The following KCNK18 variants were observed in gnomAD, a reference collection of about 807,000 sequenced individuals.
The protein encoded by KCNK18 is potassium channel subfamily K member 18.
In KCNK18, 8 loss-of-function variants were observed where a neutral mutation model predicts 11.8. The observed-to-expected ratio is 0.68, with a 90% CI of 0.40 to 1.22. KCNK18 has a LOEUF of 1.22. KCNK18 is among the 50% of genes most tolerant of loss of function. The pLI is 0.01. For synonymous variants in KCNK18, 208 were observed against 185.8 expected (o/e 1.12, Z -0.97); for missense variants, 442 against 465.4 (o/e 0.95, Z 0.46).
At chr10:117,208,156 A>G (rs575971023) in intron 2 of KCNK18, among the ~76,000 whole-genome samples, 3 of 152,246 alleles carry the variant, frequency 2.0e-5, no homozygotes, top group Non-Finnish European at 2.9e-5. Context: ...GGGACCTGAG[A>G]GTCCTGTGGA....
At chr10:117,208,841 A>G (rs1855107673) in intron 2 of KCNK18, among the ~76,000 whole-genome samples, 1 of 151,966 alleles carries the variant, frequency 6.6e-6, no homozygotes, top group Non-Finnish European at 1.5e-5. Flanking sequence ...CCCGGCTTCA[A>G]GTGATTCTCC....
chr10:117,203,606 C>T (rs563670411), intron 2 of KCNK18, among the ~76,000 whole-genome samples: 1 of 152,236 alleles, frequency 6.6e-6, no homozygotes, highest in East Asian at 1.9e-4. Flanking sequence ...ATGGTGCCAT[C>T]TCAGCTCACT....
At chr10:117,197,997 A>G (rs1192827109) in intron 1 of KCNK18, among the ~76,000 whole-genome samples, 1 of 152,164 alleles carries the variant, frequency 6.6e-6, no homozygotes, top group Non-Finnish European at 1.5e-5. Flanking sequence ...CTCAGCACCC[A>G]GCCCCATCCA....
chr10:117,201,046 C>G (rs1047744997), intron 1 of KCNK18, 113 bp from the exon 2 acceptor site: 31 of 1,337,392 alleles, frequency 2.3e-5, no homozygotes, highest in Non-Finnish European at 3.2e-5. Flanking sequence ...TGATACTGAC[C>G]ACAAGGCAAA....
intron 2 of KCNK18, among the ~76,000 whole-genome samples, chr10:117,204,280 A>AG (rs2133704168): frequency 6.6e-6 from 1 of 151,214 alleles, no homozygotes; most frequent in South Asian, 2.1e-4. Context: ...CAAAAAAAAA[A>AG]AAAAAAGAAA....
chr10:117,205,431 A>G (rs1386222136), intron 2 of KCNK18, among the ~76,000 whole-genome samples: 1 of 152,214 alleles, frequency 6.6e-6, no homozygotes, highest in Non-Finnish European at 1.5e-5. Flanking sequence ...TTGCAAAAGT[A>G]TCTCACCCAG....
chr10:117,197,912 G>A (rs1047032698), intron 1 of KCNK18, among the ~76,000 whole-genome samples: 1 of 152,118 alleles, frequency 6.6e-6, no homozygotes, highest in Non-Finnish European at 1.5e-5. Context: ...TGCCTCTCAG[G>A]GTTGCTGTGA....
At chr10:117,209,122 T>G (rs1020473702) in intron 2 of KCNK18, among the ~76,000 whole-genome samples, 17 of 152,186 alleles carry the variant, frequency 1.1e-4, no homozygotes, top group Non-Finnish European at 2.9e-5. Context: ...CCATCCTCTC[T>G]CACTTGTACT....
chr10:117,201,253 G>A lies in KCNK18; in HGVS notation c.318G>A (p.Ser106=), dbSNP rs147116654. Residue 106 remains serine, a synonymous_variant, in exon 2 of 3, where the codon TCG becomes TCA. Coordinates refer to ENST00000334549, the MANE Select transcript of KCNK18 (RefSeq NM_181840.1). ...NRTTHWSFLS[S]LFFCCTVFST... is the part of the protein sequence containing the mutation. Reference sequence around the variant, plus strand: ...CCACACACTGGTCCTTCCTGAGCTCGCTCTTTTTCTGCTGCACGGTGTTCA... The same window carrying A: ...CCACACACTGGTCCTTCCTGAGCTCACTCTTTTTCTGCTGCACGGTGTTCA... 1.2e-5 allele frequency: 19 copies of A among 1,613,846 alleles called. No homozygotes were observed. In the African/African-American group the frequency reaches 1.7e-4, roughly 15 times the overall value.
In KCNK18 at chr10:117,210,008, T is replaced by G; in HGVS notation, c.864T>G (p.Leu288=). Residue 288 remains leucine, a synonymous_variant, in exon 3 of 3, where the codon CTT becomes CTG. Transcript: ENST00000334549. The stretch of plus-strand genomic sequence containing the variant: ...ACATCCCCCTCCCCATCATTGCCCT[T>G]ATTGTTTTTGCCTACATTTCCTGTG... ...RLDIPLPIIA[L]IVFAYISCAA... 4 of 1,614,158 alleles carry G rather than the reference T, an allele frequency of 2.5e-6. No individual in the cohort carries two copies. Among genetic ancestry groups the G allele is most frequent in the Non-Finnish European group, 3.4e-6 (4 of 1,180,022 alleles).
intron 2 of KCNK18, among the ~76,000 whole-genome samples, chr10:117,206,203 G>A (rs1016255826): frequency 2.6e-5 from 4 of 152,140 alleles, no homozygotes; most frequent in Non-Finnish European, 5.9e-5. Context: ...TTTCAAAAAT[G>A]AAGGTGTTGG....
At chr10:117,203,116 A>C (rs1855034619) in intron 2 of KCNK18, among the ~76,000 whole-genome samples, 1 of 151,928 alleles carries the variant, frequency 6.6e-6, no homozygotes, top group South Asian at 2.1e-4. Flanking sequence ...ACCTCAGGTG[A>C]TCTGCCCATC....
At chr10:117,207,701 G>A (rs1394726717) in intron 2 of KCNK18, among the ~76,000 whole-genome samples, 1 of 152,190 alleles carries the variant, frequency 6.6e-6, no homozygotes. Context: ...CTACACTTGG[G>A]ACCCTGGTGA....
At chr10:117,204,582 C>G (rs1205379987) in intron 2 of KCNK18, among the ~76,000 whole-genome samples, 1 of 152,186 alleles carries the variant, frequency 6.6e-6, no homozygotes, top group African/African-American at 2.4e-5. Flanking sequence ...TGAGTAACAT[C>G]GACATCACTG....
Position 117,201,303 on chromosome 10 carries a change from C to A in KCNK18, c.352+16C>A. 2 of 1,611,682 alleles carry A rather than the reference C, an allele frequency of 1.2e-6. No individual in the cohort carries two copies. The highest frequency in any genetic ancestry group is 2.2e-5 in the South Asian group (2 of 91,026). On this transcript the variant is annotated intron_variant, in intron 2 of 2. Transcript: ENST00000334549. ...AGCACCGTGGGTAAGTGCAAAGCCA[C>A]AGTCCCCCTCACGGTGGCCCTGTGA...
At chr10:117,197,810 G>A in intron 1 of KCNK18, 99 bp downstream of exon 1, 1 of 1,015,096 alleles carries the variant, frequency 9.9e-7, no homozygotes, top group Non-Finnish European at 1.5e-6. Flanking sequence ...TCTGGGAGCT[G>A]CCTGCCTGGA....
intron 2 of KCNK18, among the ~76,000 whole-genome samples, chr10:117,206,199 A>G (rs1855072679): frequency 6.6e-6 from 1 of 152,156 alleles, no homozygotes; most frequent in Non-Finnish European, 1.5e-5. Context: ...CTGATTTCAA[A>G]AATGAAGGTG....
In KCNK18 at chr10:117,197,659, G is replaced by A. The variant is rs1564988795; in HGVS notation, c.171G>A (p.Glu57=). The A allele has an allele frequency of 6.2e-7, 1 of 1,614,196 alleles. No individual in the cohort carries two copies. Residue 57 remains glutamate, a synonymous_variant, in exon 1 of 3, where the codon GAG becomes GAA. Transcript: ENST00000334549. ...TCCTGGTGGCAGCAGATGATGGAGA[G>A]TTTGAGAAGTTCTTGGAGGAGCTCT... ...GQVLVAADDG[E]FEKFLEELCR... is the part of the protein sequence containing the mutation.
In KCNK18 at chr10:117,201,252, C is replaced by T. The variant is rs764750125; in HGVS notation, c.317C>T (p.Ser106Leu). 8.1e-6 allele frequency: 13 copies of T among 1,613,918 alleles called. No individual in the cohort carries two copies. The highest frequency in any genetic ancestry group is 1.7e-5 in the Admixed American group (1 of 59,996). Residue 106 changes from serine (S) to leucine (L), a missense_variant, in exon 2 of 3, where the codon TCG becomes TTG. Physicochemically the swap from Ser to Leu is moderately radical, Grantham distance 145. Transcript: ENST00000334549. ...ACCACACACTGGTCCTTCCTGAGCT[C>T]GCTCTTTTTCTGCTGCACGGTGTTC... ...NRTTHWSFLS[S>L]LFFCCTVFST... is the part of the protein sequence containing the mutation.
Sources: gnomAD v4.1 joint callset for allele counts (sites outside exome capture counted in the v4.1 genomes callset) on GRCh38, gnomAD v4.1.1 for gene constraint, MANE v1.5 for transcripts, NCBI Gene and HGNC (gene_info 2026-07-23, HGNC 2026-07-21) for gene names.